KCNB2: variants seen among roughly 807,000 people sequenced by gnomAD.
KCNB2 encodes the protein potassium voltage-gated channel subfamily B member 2, also known as delayed rectifier potassium channel protein.
KCNB2 carries 15 observed loss-of-function variants against 61.5 expected under a neutral mutation model. The ratio of observed to expected loss-of-function variants is 0.24; its 90% CI spans 0.16 to 0.38. The LOEUF is 0.38. Among genes scored for constraint, KCNB2 ranks in the 10% least tolerant of loss-of-function variants. The pLI, the probability that KCNB2 is intolerant of heterozygous loss-of-function variation, is 1.00. For synonymous variants in KCNB2, 457 were observed against 446.0 expected (o/e 1.02, Z -0.31); for missense variants, 828 against 1,125.2 (o/e 0.74, Z 3.78).
chr8:72,730,531 C>G (rs1402610523), intron 2 of KCNB2, among the ~76,000 whole-genome samples: 1 of 152,138 alleles, frequency 6.6e-6, no homozygotes, highest in Non-Finnish European at 1.5e-5. Context: ...CAGTAACTCA[C>G]AAACTAATTC....
At chr8:72,754,564 C>T (rs1291061545) in intron 2 of KCNB2, among the ~76,000 whole-genome samples, 8 of 152,164 alleles carry the variant, frequency 5.3e-5, no homozygotes. Flanking sequence ...GGTGCAGTTG[C>T]AGCAGAGTTG....
intron 2 of KCNB2, among the ~76,000 whole-genome samples, chr8:72,615,868 T>C (rs1362076279): frequency 6.6e-6 from 1 of 152,224 alleles, no homozygotes; most frequent in Non-Finnish European, 1.5e-5. Context: ...GTAGAGTCTT[T>C]AAGCTCTCAG....
At chr8:72,737,732 C>G (rs1008918567) in intron 2 of KCNB2, among the ~76,000 whole-genome samples, 3 of 152,106 alleles carry the variant, frequency 2.0e-5, no homozygotes, top group Non-Finnish European at 4.4e-5. Context: ...GGAGGACTGT[C>G]TTGCTGTAGG....
chr8:72,564,329 T>C (rs1207844089), intron 1 of KCNB2, among the ~76,000 whole-genome samples: 1 of 152,222 alleles, frequency 6.6e-6, no homozygotes. Flanking sequence ...GTTAGTTCTC[T>C]TCCTGGAAAA....
At chr8:72,651,098 GA>G (rs1184497611) in intron 2 of KCNB2, among the ~76,000 whole-genome samples, 1 of 152,118 alleles carries the variant, frequency 6.6e-6, no homozygotes, top group Non-Finnish European at 1.5e-5. Flanking sequence ...CATTCATTGA[GA>G]AAACTTCAGT....
At chr8:72,729,823 C>T (rs931722320) in intron 2 of KCNB2, among the ~76,000 whole-genome samples, 4 of 151,398 alleles carry the variant, frequency 2.6e-5, no homozygotes, top group Non-Finnish European at 2.9e-5. Flanking sequence ...GCGGGGCTTG[C>T]GGTTAGCTGA....
chr8:72,701,136 T>A (rs1807117638), intron 2 of KCNB2, among the ~76,000 whole-genome samples: 1 of 152,134 alleles, frequency 6.6e-6, no homozygotes, highest in Admixed American at 6.6e-5. Context: ...GCTCATTACC[T>A]GGGTGATGGC....
At position 72,718,412 on chromosome 8, in the gene KCNB2, C is replaced by T. The variant is rs563726357; in HGVS notation, c.579+150099C>T. ...CACAATAGCAAAGACTTGGAACGAA[C>T]CCAAATGTCCAACAATGATAAACTG... On this transcript the variant is annotated intron_variant, in intron 2 of 2. Coordinates refer to ENST00000523207, the MANE Select transcript of KCNB2 (RefSeq NM_004770.3). Among the ~76,000 whole-genome samples the T allele has an allele frequency of 5.8e-4, 89 of 152,202 alleles. 1 individual carries two copies. Among genetic ancestry groups the T allele is most frequent in the East Asian group, 3.9e-4 (2 of 5,186 alleles).
intron 2 of KCNB2, among the ~76,000 whole-genome samples, chr8:72,656,417 A>T (rs1166762503): frequency 6.6e-6 from 1 of 152,168 alleles, no homozygotes; most frequent in East Asian, 1.9e-4. Context: ...TCTATGGCTT[A>T]TGCAATGCTG....
intron 2 of KCNB2, among the ~76,000 whole-genome samples, chr8:72,648,600 A>G (rs1806167298): frequency 1.3e-5 from 2 of 151,334 alleles, no homozygotes; most frequent in Admixed American, 1.3e-4. Context: ...ATATAAATTA[A>G]TAGTTTTGAG....
chr8:72,748,850 T>G (rs1390014114), intron 2 of KCNB2, among the ~76,000 whole-genome samples: 1 of 152,156 alleles, frequency 6.6e-6, no homozygotes, highest in East Asian at 1.9e-4. Flanking sequence ...ACCATTTTTT[T>G]GCAGTGAGAA....
intron 2 of KCNB2, among the ~76,000 whole-genome samples, chr8:72,773,588 A>T (rs1170319739): frequency 6.6e-6 from 1 of 152,204 alleles, no homozygotes; most frequent in Non-Finnish European, 1.5e-5. Flanking sequence ...TTGGTGTGGG[A>T]TAGATTTAAG....
At chr8:72,640,287 A>G (rs1806034120) in intron 2 of KCNB2, among the ~76,000 whole-genome samples, 1 of 152,156 alleles carries the variant, frequency 6.6e-6, no homozygotes, top group African/African-American at 2.4e-5. Context: ...CCAGACACAC[A>G]GCAGGAGCTA....
chr8:72,675,921 C>G (rs1170468616), intron 2 of KCNB2, among the ~76,000 whole-genome samples: 1 of 152,082 alleles, frequency 6.6e-6, no homozygotes, highest in Non-Finnish European at 1.5e-5. Context: ...TCCTTTGTTA[C>G]ACATTCAAGA....
intron 2 of KCNB2, among the ~76,000 whole-genome samples, chr8:72,858,588 G>T (rs933098675): frequency 6.6e-6 from 1 of 152,226 alleles, no homozygotes; most frequent in Non-Finnish European, 1.5e-5. Context: ...TAAACTGGCA[G>T]CACAAACTTG....
chr8:72,618,041 A>T (rs541774645), intron 2 of KCNB2, among the ~76,000 whole-genome samples: 1 of 152,150 alleles, frequency 6.6e-6, no homozygotes, highest in African/African-American at 2.4e-5. Flanking sequence ...CCTCCCACTC[A>T]CCTTGGTACC....
At chr8:72,667,836 T>C (rs1448920860) in intron 2 of KCNB2, among the ~76,000 whole-genome samples, 1 of 152,148 alleles carries the variant, frequency 6.6e-6, no homozygotes, top group East Asian at 1.9e-4. Context: ...TAACGGAGTC[T>C]TGTTGCACTT....
intron 2 of KCNB2, among the ~76,000 whole-genome samples, chr8:72,783,613 C>T (rs1474258158): frequency 6.6e-6 from 1 of 152,112 alleles, no homozygotes; most frequent in African/African-American, 2.4e-5. Flanking sequence ...TCATCTCTAT[C>T]CCATTAACTG....
intron 2 of KCNB2, among the ~76,000 whole-genome samples, chr8:72,670,207 C>A (rs1226006495): frequency 6.6e-6 from 1 of 152,178 alleles, no homozygotes; most frequent in Non-Finnish European, 1.5e-5. Context: ...ACAATTCAAC[C>A]TCATCAAAGG....
Sources: gnomAD v4.1 joint callset for allele counts (sites outside exome capture counted in the v4.1 genomes callset) on GRCh38, gnomAD v4.1.1 for gene constraint, MANE v1.5 for transcripts, NCBI Gene and HGNC (gene_info 2026-07-23, HGNC 2026-07-21) for gene names.